The following RAPGEF1 variants were observed in gnomAD, a reference collection of about 807,000 sequenced individuals.
RAPGEF1 encodes the protein CRK SH3-binding GNRP.
In RAPGEF1, 33 loss-of-function variants were observed where a neutral mutation model predicts 143.3. The ratio of observed to expected loss-of-function variants is 0.23; its 90% CI spans 0.17 to 0.31. The LOEUF (loss-of-function observed/expected upper bound fraction) is 0.31. Among genes scored for constraint, RAPGEF1 ranks in the 10% least tolerant of loss-of-function variants. The pLI, the probability that RAPGEF1 is intolerant of heterozygous loss-of-function variation, is 1.00. For synonymous variants in RAPGEF1, 629 were observed against 676.5 expected, an observed-to-expected ratio of 0.93 and a Z score of 1.09; for missense variants, 1,199 against 1,645.4, an observed-to-expected ratio of 0.73 and a Z score of 4.69.
intron 17 of RAPGEF1, among the ~76,000 whole-genome samples, chr9:131,594,080 G>T (rs1046623702): frequency 2.0e-5 from 3 of 152,162 alleles, no homozygotes; most frequent in Admixed American, 6.5e-5. Context: ...CCACCCGCAA[G>T]CAATGTGGCG....
rs1966844330 is a variant in RAPGEF1, at chr9:131,638,323, C to T, written c.651+312G>A. ...ACATGCTGGGAGCTTTGCTTAAAGT[C>T]ATTGTGAAAACGATCTCCATTGCAT... On this transcript the variant is annotated intron_variant, in intron 5 of 26. Coordinates refer to ENST00000683357, the MANE Select transcript of RAPGEF1 (RefSeq NM_001377935.1). Among the ~76,000 whole-genome samples, 2 of 152,172 alleles carry T rather than the reference C, an allele frequency of 1.3e-5. 1 individual carries two copies. Among genetic ancestry groups the T allele is most frequent in the South Asian group, 4.1e-4 (2 of 4,834 alleles).
At chr9:131,718,187 G>A (rs1039990331) in intron 1 of RAPGEF1, among the ~76,000 whole-genome samples, 13 of 152,154 alleles carry the variant, frequency 8.5e-5, no homozygotes, top group African/African-American at 2.9e-4. Flanking sequence ...GTAAGAGAAC[G>A]GCAAGTGCAA....
chr9:131,621,453 G>A lies in RAPGEF1; in HGVS notation c.1905+343C>T, dbSNP rs1960988771. 6.6e-6 allele frequency among the ~76,000 whole-genome samples: 1 copy of A among 152,302 alleles called. No homozygotes were observed. ...TGATTGAGTCCCTCCTTTCTGGGAG[G>A]TCTATGTTGAAGCCAAAGAAGAAAG... On this transcript the variant is annotated intron_variant, in intron 11 of 26. Transcript: ENST00000683357. This position sits in a 1 kb window ranked among gnomAD's most constrained non-coding sequence, Gnocchi z 4.5.
chr9:131,698,065 CAG>C (rs1465925586), intron 1 of RAPGEF1, among the ~76,000 whole-genome samples: 2 of 152,156 alleles, frequency 1.3e-5, no homozygotes, highest in Admixed American at 6.5e-5. Flanking sequence ...CAGCTGAGAG[CAG>C]AGACATGAAT....
chr9:131,735,413 C>T (rs1254720333), intron 1 of RAPGEF1, among the ~76,000 whole-genome samples: 1 of 152,232 alleles, frequency 6.6e-6, no homozygotes, highest in Non-Finnish European at 1.5e-5. Context: ...GACCATCCCT[C>T]CCCACTGCAA....
intron 1 of RAPGEF1, among the ~76,000 whole-genome samples, chr9:131,739,401 C>T (rs951111235): frequency 1.3e-5 from 2 of 152,218 alleles, no homozygotes; most frequent in African/African-American, 4.8e-5. Flanking sequence ...AGCGCCGAGC[C>T]CAGGCCGGGC....
At chr9:131,739,607 TG>T (rs373950769) in intron 1 of RAPGEF1, among the ~76,000 whole-genome samples, 162 bp downstream of exon 1, 7,190 of 148,880 alleles carry the variant, frequency 0.048, 591 homozygotes, top group African/African-American at 0.17. Flanking sequence ...GCAATGGGCC[TG>T]GAGGAGAAGC....
At chr9:131,678,272 G>C (rs79470640) in intron 1 of RAPGEF1, among the ~76,000 whole-genome samples, 1 of 152,146 alleles carries the variant, frequency 6.6e-6, no homozygotes, top group South Asian at 2.1e-4. Context: ...AATAAGATAG[G>C]TTTTGTCCAT....
chr9:131,601,194 A>T (rs1173344545), intron 15 of RAPGEF1, among the ~76,000 whole-genome samples: 1 of 150,664 alleles, frequency 6.6e-6, no homozygotes, highest in East Asian at 1.9e-4. Flanking sequence ...AAAAAAAAAA[A>T]AGTTATAAGA....
At position 131,605,214 on chromosome 9, in the gene RAPGEF1, C is replaced by A. The variant is rs199873827; in HGVS notation, c.2062-26G>T. On this transcript the variant is annotated intron_variant, in intron 12 of 26. Transcript: ENST00000683357. The stretch of plus-strand genomic sequence containing the variant: ...CTACAGAATCCAGGTGGAGAACAAA[C>A]AAAAACGAGAATACAAGAAGAAAAG... 7.3e-3 allele frequency: 9,320 copies of A among 1,275,362 alleles called. 35 individuals carry two copies. The highest frequency in any genetic ancestry group is 8.9e-3 in the Non-Finnish European group (8,623 of 973,430). The allele number at this position is 1,275,362 out of a possible 1,614,324, so 79.0% of individuals were successfully genotyped here. A position where few individuals can be genotyped will look rare whatever the true frequency, so the allele number is the denominator to read the frequency against.
intron 1 of RAPGEF1, among the ~76,000 whole-genome samples, chr9:131,659,797 G>A (rs1399614669): frequency 3.9e-5 from 6 of 152,088 alleles, no homozygotes; most frequent in African/African-American, 1.4e-4. Context: ...CAGTCTAGTC[G>A]AGCCAAAAGC....
intron 14 of RAPGEF1, among the ~76,000 whole-genome samples, chr9:131,602,981 G>A (rs577542604): frequency 2.0e-5 from 3 of 152,378 alleles, no homozygotes; most frequent in Non-Finnish European, 2.9e-5. Context: ...CTACCTGCAC[G>A]TGGACTTCAC....
chr9:131,604,417 A>G (rs1426252057), intron 13 of RAPGEF1, among the ~76,000 whole-genome samples: 8 of 152,202 alleles, frequency 5.3e-5, no homozygotes, highest in Admixed American at 2.6e-4. Context: ...GTCTGCTCCA[A>G]TCTGCAAGGC....
chr9:131,670,003 C>A (rs1213132258), intron 1 of RAPGEF1, among the ~76,000 whole-genome samples: 1 of 152,128 alleles, frequency 6.6e-6, no homozygotes, highest in Non-Finnish European at 1.5e-5. Context: ...GAGCACCCAG[C>A]ACCACCGCAG....
At chr9:131,694,785 C>T (rs968308496) in intron 1 of RAPGEF1, among the ~76,000 whole-genome samples, 1 of 148,808 alleles carries the variant, frequency 6.7e-6, no homozygotes, top group Non-Finnish European at 1.5e-5. Flanking sequence ...GCACTCATCA[C>T]CTTCACACTT....
At chr9:131,671,979 T>C (rs766304772) in intron 1 of RAPGEF1, among the ~76,000 whole-genome samples, 5 of 152,186 alleles carry the variant, frequency 3.3e-5, no homozygotes, top group African/African-American at 1.2e-4. Flanking sequence ...ACTTGAAACA[T>C]GTGAAGACCC....
At position 131,628,510 on chromosome 9, in the gene RAPGEF1, C is replaced by A. The variant is rs753616868; in HGVS notation, c.1017+39G>T. The A allele has an allele frequency of 5.0e-6, 8 of 1,600,148 alleles. No individual in the cohort carries two copies. Among genetic ancestry groups the A allele is most frequent in the Non-Finnish European group, 6.8e-6 (8 of 1,169,778 alleles). On this transcript the variant is annotated intron_variant, in intron 8 of 26. Transcript: ENST00000683357. This position sits in a 1 kb window ranked among gnomAD's most constrained non-coding sequence, Gnocchi z 5.7. ...GCCACATCCCTGAGCCCCCCACCCC[C>A]TCCCTGCCTTCCCATGCAGGGAACA...
intron 1 of RAPGEF1, among the ~76,000 whole-genome samples, chr9:131,662,223 C>T (rs1182308411): frequency 6.6e-6 from 1 of 152,180 alleles, no homozygotes; most frequent in Admixed American, 6.5e-5. Flanking sequence ...CACGTCTGCA[C>T]ATACACATGG....
chr9:131,660,233 G>A (rs528612494), intron 1 of RAPGEF1, among the ~76,000 whole-genome samples: 3 of 152,164 alleles, frequency 2.0e-5, no homozygotes, highest in African/African-American at 4.8e-5. Flanking sequence ...CAATTCCAAA[G>A]ACTCTTTTGT....
Sources: allele counts gnomAD v4.1 joint callset (sites outside exome capture counted in the v4.1 genomes callset), GRCh38; gene constraint gnomAD v4.1.1; non-coding constraint Gnocchi (gnomAD v3.1); transcripts MANE v1.5; gene names NCBI Gene and HGNC (gene_info 2026-07-23, HGNC 2026-07-21).